MAPK10: variants seen among roughly 807,000 people sequenced by gnomAD.
MAPK10 encodes mitogen-activated protein kinase 10, also known as JNK3 alpha protein kinase.
In MAPK10, 25 loss-of-function variants were observed where a neutral mutation model predicts 59.3. The observed-to-expected ratio is 0.42, with a 90% CI of 0.31 to 0.59. The LOEUF (loss-of-function observed/expected upper bound fraction) is 0.59. Among genes scored for constraint, MAPK10 ranks in the 20% least tolerant of loss-of-function variants. MAPK10 has a pLI of 0.15. For missense variants in MAPK10, 351 were observed against 568.9 expected (o/e 0.62, Z 3.90); for synonymous variants, 190 against 200.5 (o/e 0.95, Z 0.44).
chr4:86,535,109 T>C (rs1421951704), intron 1 of MAPK10, among the ~76,000 whole-genome samples: 2 of 152,140 alleles, frequency 1.3e-5, no homozygotes, highest in Admixed American at 6.5e-5. Context: ...GGCTTAATAC[T>C]CTTTTCCTAT....
chr4:86,374,085 G>A (rs1739372757), intron 1 of MAPK10, among the ~76,000 whole-genome samples: 1 of 152,072 alleles, frequency 6.6e-6, no homozygotes, highest in Non-Finnish European at 1.5e-5. Context: ...AGAAAAAAAA[G>A]GATGAGCTCA....
chr4:86,194,466 A>G, intron 2 of MAPK10, 59 bp from the exon 3 acceptor site: 1 of 989,980 alleles, frequency 1.0e-6, no homozygotes, highest in Admixed American at 1.7e-5. Flanking sequence ...ATTATATAAC[A>G]ATATAGATTT....
At chr4:86,409,489 A>G (rs970195558) in intron 1 of MAPK10, among the ~76,000 whole-genome samples, 2 of 152,054 alleles carry the variant, frequency 1.3e-5, no homozygotes, top group Admixed American at 1.3e-4. Context: ...AATTACCTTG[A>G]GCAGTATGGC....
chr4:86,406,038 G>A (rs1193511228), intron 1 of MAPK10, among the ~76,000 whole-genome samples: 1 of 152,166 alleles, frequency 6.6e-6, no homozygotes, highest in Non-Finnish European at 1.5e-5. Context: ...ATTAATATAA[G>A]ACTATCACGT....
At chr4:86,269,074 T>A (rs2148765476) in intron 2 of MAPK10, among the ~76,000 whole-genome samples, 1 of 152,242 alleles carries the variant, frequency 6.6e-6, no homozygotes, top group South Asian at 2.1e-4. Context: ...CTTTCTGGGC[T>A]CAAAATATTG....
intron 1 of MAPK10, among the ~76,000 whole-genome samples, chr4:86,520,568 C>T (rs1437698635): frequency 1.3e-5 from 2 of 152,052 alleles, no homozygotes; most frequent in South Asian, 4.2e-4. Flanking sequence ...TCTCTAGTGC[C>T]TCCTTGAGTA....
At position 86,033,646 on chromosome 4, in the gene MAPK10, G is replaced by A. The variant is rs186786520; in HGVS notation, c.1111-2215C>T. On this transcript the variant is annotated intron_variant, in intron 11 of 13. Coordinates refer to ENST00000641462, the MANE Select transcript of MAPK10 (RefSeq NM_138982.4). Reference sequence around the variant, plus strand: ...TCACAAACAAACTACAAGAGAGAATGCAAAGTGCTGAGTTCAAGATTTTTC... The same window carrying A: ...TCACAAACAAACTACAAGAGAGAATACAAAGTGCTGAGTTCAAGATTTTTC... Among the ~76,000 whole-genome samples the A allele has an allele frequency of 7.9e-5, 12 of 152,300 alleles. No individual in the cohort carries two copies. The East Asian group carries it at 2.3e-3, about 29-fold the overall frequency.
chr4:86,382,595 A>G (rs947631424), intron 1 of MAPK10, among the ~76,000 whole-genome samples: 1 of 152,184 alleles, frequency 6.6e-6, no homozygotes, highest in Non-Finnish European at 1.5e-5. Flanking sequence ...AGCGCAATAA[A>G]CACATGGTGT....
At chr4:86,201,782 T>C (rs1185844200) in intron 2 of MAPK10, among the ~76,000 whole-genome samples, 1 of 151,832 alleles carries the variant, frequency 6.6e-6, no homozygotes, top group Non-Finnish European at 1.5e-5. Context: ...GATATTCTCC[T>C]ATATATTCTT....
intron 2 of MAPK10, among the ~76,000 whole-genome samples, chr4:86,221,011 CT>C (rs5860021): frequency 0.085 from 12,914 of 152,136 alleles, 1,218 homozygotes; most frequent in African/African-American, 0.23. Context: ...TACGTTCTCC[CT>C]TTTCCCTAGC....
upstream of MAPK10, among the ~76,000 whole-genome samples, chr4:86,456,823 C>T (rs934552682): frequency 1.3e-5 from 2 of 152,136 alleles, no homozygotes; most frequent in African/African-American, 2.4e-5. Context: ...CAGTATCACT[C>T]TAATACCAAA....
intron 1 of MAPK10, among the ~76,000 whole-genome samples, chr4:86,525,986 G>GGT (rs1425664082): frequency 3.5e-5 from 5 of 143,284 alleles, no homozygotes; most frequent in African/African-American, 1.2e-4. Flanking sequence ...TTTTGTTGAG[G>GGT]ATTTTTGCAT....
chr4:86,279,347 G>A (rs2094707514), intron 2 of MAPK10, among the ~76,000 whole-genome samples: 1 of 152,114 alleles, frequency 6.6e-6, no homozygotes, highest in East Asian at 1.9e-4. Context: ...AGGTTGAGCA[G>A]ATAGAGAAGT....
At chr4:86,404,849 A>G (rs912545062) in intron 1 of MAPK10, among the ~76,000 whole-genome samples, 5 of 152,210 alleles carry the variant, frequency 3.3e-5, no homozygotes, top group Non-Finnish European at 7.3e-5. Context: ...TGCTTTGCAG[A>G]CAGGCAGTCT....
intron 1 of MAPK10, among the ~76,000 whole-genome samples, chr4:86,519,865 C>T (rs1042218510): frequency 4.6e-5 from 7 of 152,156 alleles, no homozygotes; most frequent in Non-Finnish European, 8.8e-5. Flanking sequence ...ATCTTTCCTT[C>T]ATTTATGAAG....
intron 1 of MAPK10, among the ~76,000 whole-genome samples, chr4:86,471,471 C>G (rs1364756613): frequency 6.6e-6 from 1 of 152,010 alleles, no homozygotes; most frequent in Non-Finnish European, 1.5e-5. Context: ...CATCATTTCT[C>G]AAAATAATTG....
intron 4 of MAPK10, among the ~76,000 whole-genome samples, chr4:86,145,680 T>C (rs190741925): frequency 1.3e-5 from 2 of 152,288 alleles, no homozygotes; most frequent in African/African-American, 4.8e-5. Flanking sequence ...TTCCTCATTG[T>C]GTATCTGTCA....
intron 1 of MAPK10, among the ~76,000 whole-genome samples, chr4:86,429,247 C>G (rs796087571): frequency 2.0e-5 from 3 of 152,158 alleles, no homozygotes; most frequent in Admixed American, 6.5e-5. Flanking sequence ...GATTTCGAAG[C>G]CTTAATCATT....
At chr4:86,410,237 C>T (rs1055917163) in intron 1 of MAPK10, among the ~76,000 whole-genome samples, 1 of 152,188 alleles carries the variant, frequency 6.6e-6, no homozygotes, top group African/African-American at 2.4e-5. Flanking sequence ...AGCCTTGCAT[C>T]CCAGGGATGA....
Sources: allele counts gnomAD v4.1 joint callset (sites outside exome capture counted in the v4.1 genomes callset), GRCh38; gene constraint gnomAD v4.1.1; transcripts MANE v1.5; gene names NCBI Gene and HGNC (gene_info 2026-07-23, HGNC 2026-07-21).